The following SLC27A2 variants were observed in gnomAD, a reference collection of about 807,000 sequenced individuals.
SLC27A2 encodes long-chain fatty acid transport protein 2.
Under a neutral mutation model 60.0 loss-of-function variants are expected in SLC27A2, and 54 were observed. The observed-to-expected ratio is 0.90, with a 90% CI of 0.72 to 1.13. The LOEUF (loss-of-function observed/expected upper bound fraction) is 1.13. Among genes scored for constraint, SLC27A2 ranks in the 50% most tolerant of loss-of-function variants. The pLI, the probability that SLC27A2 is intolerant of heterozygous loss-of-function variation, is 0.00. For synonymous variants in SLC27A2, 297 were observed against 297.6 expected (o/e 1.00, Z 0.02); for missense variants, 739 against 777.6 (o/e 0.95, Z 0.59).
chr15:50,202,465 C>T (rs753432747), intron 2 of SLC27A2, 22 bp from the exon 3 acceptor site: 7 of 1,613,544 alleles, frequency 4.3e-6, no homozygotes, highest in Non-Finnish European at 5.9e-6. Flanking sequence ...TAACTCATGC[C>T]TTCTCTTGTA....
chr15:50,230,735 G>A (rs1382847522), intron 8 of SLC27A2, among the ~76,000 whole-genome samples: 1 of 152,178 alleles, frequency 6.6e-6, no homozygotes, highest in African/African-American at 2.4e-5. Flanking sequence ...GTGGTTGTCA[G>A]CCATTGTGCC....
chr15:50,203,988 G>A (rs1390987686), intron 3 of SLC27A2, among the ~76,000 whole-genome samples: 3 of 151,908 alleles, frequency 2.0e-5, no homozygotes, highest in Non-Finnish European at 4.4e-5. Context: ...CCACCCATCT[G>A]TACTATTTTG....
chr15:50,200,411 A>G (rs1477100824), intron 2 of SLC27A2, among the ~76,000 whole-genome samples: 1 of 83,922 alleles, frequency 1.2e-5, no homozygotes, highest in Non-Finnish European at 2.4e-5. Flanking sequence ...GTGAAAGCCT[A>G]TCTCAAAAAT....
In SLC27A2 at chr15:50,197,792, G is replaced by A. The variant is rs1379578436; in HGVS notation, c.688+83G>A. The A allele has an allele frequency of 5.1e-6, 5 of 983,676 alleles. No homozygotes were observed. The African/African-American group carries it at 6.5e-5, about 13-fold the overall frequency. 60.9% of individuals were successfully genotyped at this position (983,676 alleles called of 1,614,324 possible). A position where few individuals can be genotyped will look rare whatever the true frequency, so the allele number is the denominator to read the frequency against. On this transcript the variant is annotated intron_variant, in intron 2 of 9. Coordinates refer to ENST00000267842, the MANE Select transcript of SLC27A2 (RefSeq NM_003645.4). ...ACAGGTTTTCAAATCTCTTTCTTTG[G>A]CAAAACGTATTGGGTAACTAATACT...
At chr15:50,223,187 C>A (rs148301750) in intron 5 of SLC27A2, 28 bp downstream of exon 5, 1 of 1,537,920 alleles carries the variant, frequency 6.5e-7, no homozygotes, top group East Asian at 2.3e-5. Flanking sequence ...TGAGAGCATA[C>A]GTAGCCAGTT....
In SLC27A2 at chr15:50,202,632, A is replaced by AG; in HGVS notation, c.834_835insG (p.Cys279ValfsTer13). The stretch of plus-strand genomic sequence containing the variant: ...CTGCACTACTGATTGGCATTCACGG[A>AG]TGTATTGTGGCTGGTAAGCTTTTTC... On this transcript the variant is annotated frameshift_variant, in exon 3 of 10. Coordinates refer to ENST00000267842, the MANE Select transcript of SLC27A2 (RefSeq NM_003645.4). LOFTEE classifies it high-confidence loss of function. 1 of 1,613,442 alleles carries AG rather than the reference A, an allele frequency of 6.2e-7. No homozygotes were observed. The highest frequency in any genetic ancestry group is 8.5e-7 in the Non-Finnish European group (1 of 1,179,476).
Position 50,182,856 on chromosome 15 carries a change from G to C in SLC27A2, c.429G>C (p.Leu143=), listed in dbSNP as rs766389383. The stretch of plus-strand genomic sequence containing the variant: ...ATTACAACATCCGCGCGAAGTCCCT[G>C]CTGCACTGCTTCCAGTGCTGCGGGG... ...CLNYNIRAKS[L]LHCFQCCGAK... Residue 143 remains leucine (L), a synonymous_variant, in exon 1 of 10, where the codon CTG becomes CTC. Transcript: ENST00000267842. 1 of 1,612,946 alleles carries C rather than the reference G, an allele frequency of 6.2e-7. No homozygotes were observed. The highest frequency in any genetic ancestry group is 8.5e-7 in the Non-Finnish European group (1 of 1,179,940).
In SLC27A2 at chr15:50,182,625, G is replaced by T. The variant is rs147849550; in HGVS notation, c.198G>T (p.Thr66=). The change falls in exon 1 of 10, where the codon ACG becomes ACT. Residue 66 remains threonine (T), a synonymous_variant. Coordinates refer to ENST00000267842, the MANE Select transcript of SLC27A2 (RefSeq NM_003645.4). Reference sequence around the variant, plus strand: ...CGTTCCTGGAGAAAGCGCGCCAGACGCCACACAAGCCTTTTCTGCTCTTCC... The same window carrying T: ...CGTTCCTGGAGAAAGCGCGCCAGACTCCACACAAGCCTTTTCTGCTCTTCC... ...LRAFLEKARQ[T]PHKPFLLFRD... is the part of the protein sequence containing the mutation. The T allele has an allele frequency of 2.1e-5, 34 of 1,613,808 alleles. No individual in the cohort carries two copies. Among genetic ancestry groups the T allele is most frequent in the Non-Finnish European group, 2.8e-5 (33 of 1,179,878 alleles).
chr15:50,226,976 T>G lies in SLC27A2; in HGVS notation c.1259-4T>G. The G allele has an allele frequency of 6.2e-7, 1 of 1,612,490 alleles. No homozygotes were observed. Among genetic ancestry groups the G allele is most frequent in the Non-Finnish European group, 8.5e-7 (1 of 1,179,256 alleles). ...TAAAATAAGTTTACTTTCTTCTGTC[T>G]TAGGTGAAGTTGGACTTCTGGTTTG... On this transcript the variant is annotated splice_polypyrimidine_tract_variant and splice_region_variant and intron_variant, in intron 6 of 9. Coordinates refer to ENST00000267842, the MANE Select transcript of SLC27A2 (RefSeq NM_003645.4).
chr15:50,225,001 A>T (rs773192423), intron 5 of SLC27A2, among the ~76,000 whole-genome samples: 1 of 101,854 alleles, frequency 9.8e-6, no homozygotes, highest in Non-Finnish European at 2.2e-5. Context: ...GCAAAACATT[A>T]AAAAAAAAAA....
At chr15:50,204,913 T>C (rs896118386) in intron 3 of SLC27A2, among the ~76,000 whole-genome samples, 3 of 147,802 alleles carry the variant, frequency 2.0e-5, no homozygotes, top group African/African-American at 7.4e-5. Flanking sequence ...ATTTAGTATA[T>C]ATATAATATA....
chr15:50,186,480 A>T (rs1450062288), intron 1 of SLC27A2, among the ~76,000 whole-genome samples: 1 of 152,104 alleles, frequency 6.6e-6, no homozygotes, highest in African/African-American at 2.4e-5. Context: ...TCTGTTGCCC[A>T]GGCTGGAGGT....
intron 4 of SLC27A2, among the ~76,000 whole-genome samples, chr15:50,205,886 T>C (rs2140903978): frequency 1.3e-5 from 2 of 152,356 alleles, no homozygotes; most frequent in Middle Eastern, 6.8e-3. Flanking sequence ...AGGAAACTTT[T>C]ACTTAATGCT....
intron 4 of SLC27A2, among the ~76,000 whole-genome samples, chr15:50,218,074 A>C (rs1286074412): frequency 2.0e-5 from 3 of 151,348 alleles, no homozygotes; most frequent in Non-Finnish European, 4.4e-5. Context: ...AAAAAAAAAA[A>C]AAAAAAAAAA....
chr15:50,209,584 T>A (rs144891257), intron 4 of SLC27A2, among the ~76,000 whole-genome samples: 1 of 152,078 alleles, frequency 6.6e-6, no homozygotes, highest in Non-Finnish European at 1.5e-5. Context: ...TTTACTCTGC[T>A]GAGACTCAAA....
intron 8 of SLC27A2, among the ~76,000 whole-genome samples, chr15:50,231,649 C>A (rs1381837382): frequency 6.6e-6 from 1 of 152,112 alleles, no homozygotes; most frequent in African/African-American, 2.4e-5. Flanking sequence ...GTATGGGACT[C>A]AGAATCTGCA....
rs761167568 is a variant in SLC27A2 at position 50,227,197 on chromosome 15, T to C, written c.1457+19T>C. On this transcript the variant is annotated intron_variant, in intron 7 of 9. Transcript: ENST00000267842. ...CATTCCGGTTGGTTTTTCTGAATCA[T>C]TGAGCCAAAAACAAACACACGCACA... The C allele has an allele frequency of 6.2e-7, 1 of 1,603,968 alleles. No individual in the cohort carries two copies. The highest frequency in any genetic ancestry group is 2.2e-5 in the East Asian group (1 of 44,822).
chr15:50,223,207 CAG>C, intron 5 of SLC27A2, 48 bp downstream of exon 5: 2 of 1,409,942 alleles, frequency 1.4e-6, no homozygotes, highest in Non-Finnish European at 2.0e-6. Flanking sequence ...TTTCAGAATA[CAG>C]AGACTTCTTA....
At chr15:50,193,352 AAC>A (rs2044989697) in intron 1 of SLC27A2, among the ~76,000 whole-genome samples, 1 of 152,178 alleles carries the variant, frequency 6.6e-6, no homozygotes, top group Non-Finnish European at 1.5e-5. Context: ...GCTCTATGAA[AAC>A]AGGGAGAGCG....
Sources: allele counts gnomAD v4.1 joint callset (sites outside exome capture counted in the v4.1 genomes callset), GRCh38; gene constraint gnomAD v4.1.1; transcripts MANE v1.5; gene names NCBI Gene and HGNC (gene_info 2026-07-23, HGNC 2026-07-21).